CC2D1A: variants seen among roughly 807,000 people sequenced by gnomAD.
CC2D1A encodes the protein coiled-coil and C2 domain-containing protein 1A.
Under a neutral mutation model 123.8 loss-of-function variants are expected in CC2D1A, and 68 were observed. The observed-to-expected ratio is 0.55, with a 90% confidence interval of 0.45 to 0.67. The LOEUF (loss-of-function observed/expected upper bound fraction) is 0.67, where lower values mean the gene tolerates loss of function less well. CC2D1A is among the 30% of genes least tolerant of loss of function. The pLI is 0.00. For synonymous variants in CC2D1A, 477 were observed against 528.0 expected (o/e 0.90, Z 1.32); for missense variants, 1,185 against 1,290.3 (o/e 0.92, Z 1.25).
intron 17 of CC2D1A, among the ~76,000 whole-genome samples, chr19:13,925,168 T>C (rs1185146423): frequency 6.6e-6 from 1 of 152,202 alleles, no homozygotes; most frequent in African/African-American, 2.4e-5. Context: ...ATTGTTTTTC[T>C]ATTTATGTAC....
At chr19:13,919,328 A>T (rs1727045968) in intron 11 of CC2D1A, 126 bp downstream of exon 11, 1 of 695,756 alleles carries the variant, frequency 1.4e-6, no homozygotes, top group African/African-American at 1.8e-5. Context: ...GCCTTGGCAG[A>T]TGCTATTACT....
chr19:13,909,878 C>G lies in CC2D1A; in HGVS notation c.116C>G (p.Ala39Gly). 6.4e-7 allele frequency: 1 copy of G among 1,572,936 alleles called. No homozygotes were observed. The highest frequency in any genetic ancestry group is 1.7e-4 in the Middle Eastern group (1 of 5,870). ...PDGLMIPEDGANDEELEAEFL... is the reference protein window; with the variant it reads ...PDGLMIPEDGGNDEELEAEFL... ...GGCCTGATGATCCCTGAGGACGGGG[C>G]TAACGATGAAGAACTGGAGGCTGAG... Residue 39 changes from alanine (A) to glycine (G), a missense_variant, in exon 2 of 29, where the codon GCT (alanine) becomes GGT (glycine). Physicochemically the swap from Ala to Gly is moderately conservative, Grantham distance 60. Transcript: ENST00000318003.
In CC2D1A at chr19:13,906,378, C is replaced by A; in HGVS notation, c.-64C>A. On this transcript the variant is annotated 5_prime_UTR_variant, in exon 1 of 29. Coordinates refer to ENST00000318003, the MANE Select transcript of CC2D1A (RefSeq NM_017721.5). This position sits in a 1 kb window ranked among gnomAD's most constrained non-coding sequence, Gnocchi z 4.1. Reference sequence around the variant, plus strand: ...AAGGGCGAGTGCGCGGCGACAGAGCCCGGGGAAGGAGGCAGGGCAAGGCCG... The same window carrying A: ...AAGGGCGAGTGCGCGGCGACAGAGCACGGGGAAGGAGGCAGGGCAAGGCCG... The A allele has an allele frequency of 1.5e-6, 2 of 1,366,236 alleles. No homozygotes were observed. The highest frequency in any genetic ancestry group is 9.8e-7 in the Non-Finnish European group (1 of 1,021,678). 84.6% of individuals were successfully genotyped at this position (1,366,236 alleles called of 1,614,324 possible).
At chr19:13,928,209 A>G in intron 24 of CC2D1A, 21 bp downstream of exon 24, 1 of 1,608,836 alleles carries the variant, frequency 6.2e-7, no homozygotes, top group Non-Finnish European at 8.5e-7. Flanking sequence ...GGGCCAGGGC[A>G]TGCTGGAGAA....
intron 12 of CC2D1A, chr19:13,920,235 A>G: frequency 1.9e-6 from 1 of 517,480 alleles, no homozygotes; most frequent in Non-Finnish European, 3.4e-6. Context: ...TGGGTGACAG[A>G]GCAAGACCTC....
chr19:13,928,979 G>C (rs1971756716), intron 24 of CC2D1A, among the ~76,000 whole-genome samples: 2 of 150,542 alleles, frequency 1.3e-5, no homozygotes, highest in South Asian at 4.2e-4. Context: ...AAAGTGCTGG[G>C]ATTACAGGCA....
Position 13,918,160 on chromosome 19 carries a change from C to A in CC2D1A, c.839C>A (p.Thr280Asn). ...CTCCACGCCAAGCAGCAGGGAGATA[C>A]CACTGCTGCCGCTAGACACTTCCGC... ...AALHAKQQGD[T>N]TAAARHFRVA... Residue 280 changes from threonine (T) to asparagine (N), a missense_variant, in exon 7 of 29, where the codon ACC becomes AAC. Thr to Asn is a moderately conservative substitution (Grantham distance 65). Transcript: ENST00000318003. The A allele has an allele frequency of 1.2e-6, 2 of 1,606,054 alleles. No individual in the cohort carries two copies. The highest frequency in any genetic ancestry group is 1.7e-5 in the Admixed American group (1 of 58,790).
Position 13,928,133 on chromosome 19 carries a change from G to A in CC2D1A, c.2464G>A (p.Gly822Arg), listed in dbSNP as rs1971719991. 6.2e-7 allele frequency: 1 copy of A among 1,612,450 alleles called. No individual in the cohort carries two copies. The highest frequency in any genetic ancestry group is 8.5e-7 in the Non-Finnish European group (1 of 1,179,848). ...GTTCTCTCCTCTGAAGCAGGTTGCTGGGCCCAAAGGGAAGGCCCCTCCTGT... is the reference window on the plus strand; with the variant it reads ...GTTCTCTCCTCTGAAGCAGGTTGCTAGGCCCAAAGGGAAGGCCCCTCCTGT... ...VPAAVPTQVA[G>R]PKGKAPPVPA... Residue 822 changes from glycine (G) to arginine (R), a missense_variant, in exon 24 of 29, where the codon GGG becomes AGG. Physicochemically the swap from Gly to Arg is moderately radical, Grantham distance 125. Coordinates refer to ENST00000318003, the MANE Select transcript of CC2D1A (RefSeq NM_017721.5).
At chr19:13,921,681 G>C (rs1971414407) in intron 14 of CC2D1A, among the ~76,000 whole-genome samples, 1 of 152,196 alleles carries the variant, frequency 6.6e-6, no homozygotes, top group East Asian at 1.9e-4. Context: ...TTTAGCCTCA[G>C]AGGAGCCTGG....
intron 24 of CC2D1A, among the ~76,000 whole-genome samples, chr19:13,928,513 T>G (rs533396453): frequency 2.7e-4 from 41 of 151,866 alleles, no homozygotes; most frequent in African/African-American, 9.9e-4. Context: ...GGGGTGTTCC[T>G]TGTTCCTCTG....
At position 13,923,771 on chromosome 19, in the gene CC2D1A, C is replaced by T. The variant is rs769300853; in HGVS notation, c.1900C>T (p.Pro634Ser). 3.1e-6 allele frequency: 5 copies of T among 1,614,112 alleles called. No homozygotes were observed. Among genetic ancestry groups the T allele is most frequent in the Non-Finnish European group, 4.2e-6 (5 of 1,179,974 alleles). The stretch of plus-strand genomic sequence containing the variant: ...AGCCTTCGTCCGGGGTCTCCCCACG[C>T]CCACCGCCCGCTTTGAGCAAAGGAC... ...KQAFVRGLPT[P>S]TARFEQRTFS... Residue 634 changes from proline to serine, a missense_variant, in exon 17 of 29, where the codon CCC becomes TCC. Transcript: ENST00000318003. The surrounding 1 kb of genome is among the most constrained non-coding windows in gnomAD (Gnocchi z 5.3).
chr19:13,912,305 G>T lies in CC2D1A; in HGVS notation c.197-18G>T. 7 of 1,576,202 alleles carry T rather than the reference G, an allele frequency of 4.4e-6. No individual in the cohort carries two copies. Among genetic ancestry groups the T allele is most frequent in the Non-Finnish European group, 6.0e-6 (7 of 1,161,132 alleles). On this transcript the variant is annotated intron_variant, in intron 2 of 28. Coordinates refer to ENST00000318003, the MANE Select transcript of CC2D1A (RefSeq NM_017721.5). Reference sequence around the variant, plus strand: ...GGTGTACGACCCTGGTCCACCTGGGGCATCCCCCTACCGCCAGGTCCCTTG... The same window carrying T: ...GGTGTACGACCCTGGTCCACCTGGGTCATCCCCCTACCGCCAGGTCCCTTG...
In CC2D1A at chr19:13,906,446, A is replaced by T. The variant is rs376977180; in HGVS notation, c.5A>T (p.His2Leu). Residue 2 changes from histidine to leucine, a missense_variant, in exon 1 of 29, where the codon CAC becomes CTC. By Grantham distance (99) the His-to-Leu change is moderately conservative (BLOSUM62 -3). Transcript: ENST00000318003. This position sits in a 1 kb window ranked among gnomAD's most constrained non-coding sequence, Gnocchi z 4.1. ...TCCGGGCATCCAGCCTTGAAGATGC[A>T]CAAGAGGAAAGGACCCCCGGGACCC... is the stretch of plus-strand genomic sequence containing the variant. M[H>L]KRKGPPGPPG... 61 of 1,518,698 alleles carry T rather than the reference A, an allele frequency of 4.0e-5. No homozygotes were observed. In the African/African-American group the frequency reaches 6.4e-4, roughly 16 times the overall value. 94.1% of individuals were successfully genotyped at this position (1,518,698 alleles called of 1,614,324 possible).
chr19:13,928,428 C>A (rs1032904379), intron 24 of CC2D1A, among the ~76,000 whole-genome samples: 3 of 152,126 alleles, frequency 2.0e-5, no homozygotes, highest in African/African-American at 7.2e-5. Context: ...TCCTGTGGTT[C>A]ATGTCCATGA....
In CC2D1A at chr19:13,923,178, G is replaced by A; in HGVS notation, c.1642-155G>A. Reference sequence around the variant, plus strand: ...ATTGCACTCCAGCCTGGGCAACAGAGCGAGACTCCATCTCAAAAAAAAAAA... The same window carrying A: ...ATTGCACTCCAGCCTGGGCAACAGAACGAGACTCCATCTCAAAAAAAAAAA... On this transcript the variant is annotated intron_variant, in intron 14 of 28. Transcript: ENST00000318003. The surrounding 1 kb of genome is among the most constrained non-coding windows in gnomAD (Gnocchi z 5.3). 3.3e-6 allele frequency: 3 copies of A among 915,994 alleles called. No individual in the cohort carries two copies. Among genetic ancestry groups the A allele is most frequent in the Admixed American group, 4.9e-5 (2 of 40,898 alleles). The allele number at this position is 915,994 out of a possible 1,614,324, so 56.7% of individuals were successfully genotyped here. A position where few individuals can be genotyped will look rare whatever the true frequency, so the allele number is the denominator to read the frequency against.
intron 7 of CC2D1A, 107 bp from the exon 8 acceptor site, chr19:13,918,397 G>A (rs1971279732): frequency 5.9e-6 from 7 of 1,195,820 alleles, no homozygotes; most frequent in Non-Finnish European, 8.1e-6. Context: ...ACAAATGGAA[G>A]GGAGGGAGCT....
chr19:13,928,035 G>A lies in CC2D1A; in HGVS notation c.2454+5G>A. On this transcript the variant is annotated splice_donor_5th_base_variant and intron_variant, in intron 23 of 28. Transcript: ENST00000318003. ...GTGCCGGCAGCTGTGCCCACAGTGA[G>A]ACCCCCCACCCCCACCCATCAGCAA... The A allele has an allele frequency of 1.2e-6, 2 of 1,613,238 alleles. No individual in the cohort carries two copies. Among genetic ancestry groups the A allele is most frequent in the Admixed American group, 1.7e-5 (1 of 59,940 alleles).
At chr19:13,910,078 A>T in intron 2 of CC2D1A, 120 bp downstream of exon 2, 1 of 1,001,700 alleles carries the variant, frequency 1.0e-6, no homozygotes, top group Non-Finnish European at 1.4e-6. Context: ...GTTCTCCTGG[A>T]GCCAATGATC....
intron 2 of CC2D1A, among the ~76,000 whole-genome samples, chr19:13,911,495 G>A (rs1163093580): frequency 2.0e-5 from 3 of 151,738 alleles, no homozygotes; most frequent in Admixed American, 1.3e-4. Flanking sequence ...AGTTCTCACA[G>A]AGAGAAAGTT....
Sources: gnomAD v4.1 joint callset for allele counts (sites outside exome capture counted in the v4.1 genomes callset) on GRCh38, gnomAD v4.1.1 for gene constraint, Gnocchi (gnomAD v3.1) non-coding constraint, MANE v1.5 for transcripts, NCBI Gene and HGNC (gene_info 2026-07-23, HGNC 2026-07-21) for gene names.